The following PAX5 variants were observed in gnomAD, a reference collection of about 807,000 sequenced individuals.
The protein encoded by PAX5 is paired box protein Pax-5.
A neutral mutation model predicts 43.7 loss-of-function variants in PAX5; 9 were observed. That is an observed-to-expected ratio of 0.21 (90% CI 0.12 to 0.36). PAX5 has a LOEUF of 0.36. Among genes scored for constraint, PAX5 ranks in the 10% least tolerant of loss-of-function variants. The pLI is 1.00. For missense variants in PAX5, 383 were observed against 532.7 expected, an observed-to-expected ratio of 0.72 and a Z score of 2.77; for synonymous variants, 228 against 214.3, an observed-to-expected ratio of 1.06 and a Z score of -0.56.
intron 1 of PAX5, chr9:37,026,498 G>T: frequency 7.6e-7 from 1 of 1,318,712 alleles, no homozygotes; most frequent in Non-Finnish European, 9.9e-7. Flanking sequence ...GGTCCCGGCG[G>T]GAGAGTGAGA....
intron 4 of PAX5, among the ~76,000 whole-genome samples, chr9:37,006,027 C>A (rs928919006): frequency 2.0e-5 from 3 of 152,194 alleles, no homozygotes; most frequent in African/African-American, 7.2e-5. Context: ...AGTTTGGGAA[C>A]TTTTGCCACA....
chr9:37,026,738 A>C (rs1840421752), intron 1 of PAX5: 1 of 985,186 alleles, frequency 1.0e-6, no homozygotes, highest in Non-Finnish European at 1.2e-6. Context: ...TCCCTGCTGG[A>C]GACCGCCCGG....
At chr9:36,871,843 A>C (rs1374040808) in intron 8 of PAX5, among the ~76,000 whole-genome samples, 2 of 152,180 alleles carry the variant, frequency 1.3e-5, no homozygotes, top group African/African-American at 4.8e-5. Context: ...CACACTTCCC[A>C]GGCGGGCCAG....
chr9:36,969,665 TAGCCTCTGCCAGCTG>T (rs1287773512), intron 5 of PAX5, among the ~76,000 whole-genome samples: 1 of 152,206 alleles, frequency 6.6e-6, no homozygotes, highest in Non-Finnish European at 1.5e-5. Context: ...GAGTCAGCCA[TAGCCTCTGCCAGCTG>T]AGCCTGTAAG....
intron 5 of PAX5, among the ~76,000 whole-genome samples, chr9:36,982,598 G>T (rs1481947551): frequency 2.6e-5 from 4 of 152,242 alleles, no homozygotes; most frequent in Non-Finnish European, 1.5e-5. Flanking sequence ...GAAGGAGAAG[G>T]TGGCATCTGA....
rs1832922720 is a variant in PAX5 at position 36,950,720 on chromosome 9, T to C, written c.780+15829A>G. Among the ~76,000 whole-genome samples the C allele has an allele frequency of 2.0e-5, 3 of 149,906 alleles. No homozygotes were observed. In the South Asian group the frequency reaches 6.3e-4, roughly 32 times the overall value. Reference sequence around the variant, plus strand: ...TTTGAGATCAGATCACATTCTTGCATATCCACTGAGTTTTCTTTTTTTTTT... The same window carrying C: ...TTTGAGATCAGATCACATTCTTGCACATCCACTGAGTTTTCTTTTTTTTTT... On this transcript the variant is annotated intron_variant, in intron 6 of 9. Coordinates refer to ENST00000358127, the MANE Select transcript of PAX5 (RefSeq NM_016734.3).
intron 8 of PAX5, among the ~76,000 whole-genome samples, chr9:36,848,957 T>C (rs1417062212): frequency 6.6e-6 from 1 of 152,152 alleles, no homozygotes; most frequent in Non-Finnish European, 1.5e-5. Flanking sequence ...TCACCCACCA[T>C]CCTCTACCCT....
intron 7 of PAX5, among the ~76,000 whole-genome samples, chr9:36,910,465 G>T (rs1476430957): frequency 6.6e-6 from 1 of 152,182 alleles, no homozygotes. Context: ...GATGGACATT[G>T]GGGTGTATCT....
chr9:36,868,768 CA>C (rs1563913246), intron 8 of PAX5, among the ~76,000 whole-genome samples: 1 of 152,116 alleles, frequency 6.6e-6, no homozygotes, highest in Non-Finnish European at 1.5e-5. Context: ...GCGCCAAGCC[CA>C]GCTGCTCCCT....
chr9:36,836,403 A>G lies in PAX5; in HGVS notation c.*4157T>C, dbSNP rs112678323. 2.5e-4 allele frequency: 58 copies of G among 233,336 alleles called. No individual in the cohort carries two copies. The highest frequency in any genetic ancestry group is 1.2e-3 in the African/African-American group (56 of 45,468). The allele number at this position is 233,336 out of a possible 1,614,324, so 14.5% of individuals were successfully genotyped here. On this transcript the variant is annotated 3_prime_UTR_variant, in exon 10 of 10. Coordinates refer to ENST00000358127, the MANE Select transcript of PAX5 (RefSeq NM_016734.3). ...CTCCCATCTCCTCCAAATCTGCAAC[A>G]AAGGACAGGAGGTGAATGAGAAAGG... is the stretch of plus-strand genomic sequence containing the variant.
chr9:36,966,405 T>C, intron 6 of PAX5, 144 bp downstream of exon 6: 1 of 800,636 alleles, frequency 1.2e-6, no homozygotes, highest in Non-Finnish European at 1.9e-6. Context: ...ACTGCCCAAG[T>C]TTGGCCAAGA....
intron 7 of PAX5, among the ~76,000 whole-genome samples, chr9:36,901,095 G>A (rs1367487274): frequency 6.6e-6 from 1 of 152,008 alleles, no homozygotes; most frequent in African/African-American, 2.4e-5. Context: ...AGGTCTTCCT[G>A]CGAGTCTCAT....
rs201493540 is a variant in PAX5, at chr9:37,006,492, T to C, written c.456A>G (p.Pro152=). 2 of 1,614,124 alleles carry C rather than the reference T, an allele frequency of 1.2e-6. No homozygotes were observed. Among genetic ancestry groups the C allele is most frequent in the East Asian group, 4.5e-5 (2 of 44,892 alleles). The change falls in exon 4 of 10, where the codon CCA becomes CCG. Residue 152 remains proline, a synonymous_variant. Transcript: ENST00000358127. ...KVQQPPNQPV[P]ASSHSIVSTG... The stretch of plus-strand genomic sequence containing the variant: ...TCTTACCTATGCTGTGACTGGAAGC[T>C]GGGACTGGTTGGTTGGGTGGCTGCT...
intron 7 of PAX5, among the ~76,000 whole-genome samples, chr9:36,890,410 T>G (rs1263785301): frequency 7.9e-5 from 12 of 152,096 alleles, no homozygotes; most frequent in Admixed American, 7.2e-4. Context: ...GGGAACTGGC[T>G]GGGAAAGGCA....
At chr9:36,978,929 T>C (rs1835680671) in intron 5 of PAX5, among the ~76,000 whole-genome samples, 1 of 152,172 alleles carries the variant, frequency 6.6e-6, no homozygotes, top group Non-Finnish European at 1.5e-5. Context: ...TATATATATA[T>C]GATCTTCAAC....
In PAX5 at chr9:36,938,765, AC is replaced by A. The variant is rs539523908; in HGVS notation, c.781-15282del. Among the ~76,000 whole-genome samples, 101 of 152,322 alleles carry A rather than the reference AC, an allele frequency of 6.6e-4. 1 individual carries two copies. In the East Asian group the frequency reaches 0.016, roughly 24 times the overall value. ...TCAAGCTCACAAAGAGAAAAATCGT[AC>A]CATCCGACATGGTTGGGAGAGTTTA... On this transcript the variant is annotated intron_variant, in intron 6 of 9. Coordinates refer to ENST00000358127, the MANE Select transcript of PAX5 (RefSeq NM_016734.3).
intron 7 of PAX5, among the ~76,000 whole-genome samples, chr9:36,903,080 G>A (rs756602185): frequency 2.1e-4 from 32 of 152,194 alleles, no homozygotes; most frequent in Non-Finnish European, 3.5e-4. Context: ...GGGCAATGGA[G>A]GATAAGAAAG....
chr9:37,022,746 C>T (rs181111160), intron 1 of PAX5, among the ~76,000 whole-genome samples: 4 of 152,364 alleles, frequency 2.6e-5, no homozygotes, highest in Admixed American at 1.3e-4. Context: ...AGAGCCAGGT[C>T]TCTCAAGGTG....
chr9:36,905,547 C>G (rs1031537969), intron 7 of PAX5, among the ~76,000 whole-genome samples: 1 of 152,126 alleles, frequency 6.6e-6, no homozygotes, highest in African/African-American at 2.4e-5. Context: ...CAGAAGCACC[C>G]GAAGTACAGG....
Sources: gnomAD v4.1 joint callset for allele counts (sites outside exome capture counted in the v4.1 genomes callset) on GRCh38, gnomAD v4.1.1 for gene constraint, MANE v1.5 for transcripts, NCBI Gene and HGNC (gene_info 2026-07-23, HGNC 2026-07-21) for gene names.